FAM107B: variants seen among roughly 807,000 people sequenced by gnomAD.
The protein encoded by FAM107B is family with sequence similarity 107 member B.
In FAM107B, 21 loss-of-function variants were observed where a neutral mutation model predicts 31.5. The ratio of observed to expected loss-of-function variants is 0.67; its 90% CI spans 0.47 to 0.96. The LOEUF (loss-of-function observed/expected upper bound fraction) is 0.96. Among genes scored for constraint, FAM107B ranks in the 40% least tolerant of loss-of-function variants. The pLI is 0.00. For synonymous variants in FAM107B, 157 were observed against 141.5 expected (o/e 1.11, Z -0.78); for missense variants, 452 against 377.1 (o/e 1.20, Z -1.64).
rs1845519569 is a variant in FAM107B at position 14,520,405 on chromosome 10, A to G, written c.*785T>C. ...GGGACTGGAAGGTTATTCCATCTGA[A>G]AGAACTAGATCAGCAAGACATTTAA... On this transcript the variant is annotated 3_prime_UTR_variant, in exon 5 of 5. Coordinates refer to ENST00000181796, the MANE Select transcript of FAM107B (RefSeq NM_031453.4). 6.6e-6 allele frequency: 1 copy of G among 152,244 alleles called. No individual in the cohort carries two copies. Among genetic ancestry groups the G allele is most frequent in the African/African-American group, 2.4e-5 (1 of 41,474 alleles). The allele number at this position is 152,244 out of a possible 1,614,324, so 9.4% of individuals were successfully genotyped here.
At chr10:14,583,661 G>A (rs532373340) in intron 2 of FAM107B, among the ~76,000 whole-genome samples, 1 of 152,256 alleles carries the variant, frequency 6.6e-6, no homozygotes, top group South Asian at 2.1e-4. Context: ...AGAAGAGGCT[G>A]GGCCTAACTA....
At chr10:14,577,835 T>C (rs1177503684) in intron 2 of FAM107B, among the ~76,000 whole-genome samples, 1 of 152,216 alleles carries the variant, frequency 6.6e-6, no homozygotes, top group Non-Finnish European at 1.5e-5. Flanking sequence ...TCTCTAATAC[T>C]GAAGTCGTTT....
At chr10:14,613,193 A>G (rs1306496362) in intron 2 of FAM107B, among the ~76,000 whole-genome samples, 2 of 152,086 alleles carry the variant, frequency 1.3e-5, no homozygotes, top group Non-Finnish European at 2.9e-5. Context: ...GCTGGTCTCG[A>G]ACTCCTGACC....
intron 2 of FAM107B, among the ~76,000 whole-genome samples, chr10:14,572,734 A>ATTTATATATATAT (rs1851308706): frequency 2.5e-5 from 1 of 39,492 alleles, no homozygotes; most frequent in African/African-American, 7.6e-5. Flanking sequence ...AAAAAAAAAA[A>ATTTATATATATAT]AAATTTATAT....
chr10:14,570,581 C>T (rs192817991), intron 2 of FAM107B, among the ~76,000 whole-genome samples: 174 of 152,230 alleles, frequency 1.1e-3, no homozygotes, highest in Non-Finnish European at 2.1e-3. Context: ...GTGGGCGTAT[C>T]GCTTGTGGTC....
intron 1 of FAM107B, among the ~76,000 whole-genome samples, chr10:14,767,042 A>ATG (rs1833182966): frequency 2.7e-5 from 1 of 37,398 alleles, no homozygotes; most frequent in East Asian, 1.4e-3. Flanking sequence ...ATATATATAT[A>ATG]TATATATATA....
intron 1 of FAM107B, among the ~76,000 whole-genome samples, chr10:14,695,307 A>G (rs1855239170): frequency 6.6e-6 from 1 of 152,056 alleles, no homozygotes; most frequent in Admixed American, 6.6e-5. Flanking sequence ...TTAGTTGACC[A>G]TATGTGTTTG....
intron 1 of FAM107B, among the ~76,000 whole-genome samples, chr10:14,710,825 G>C (rs1225954751): frequency 6.6e-6 from 1 of 152,184 alleles, no homozygotes; most frequent in Non-Finnish European, 1.5e-5. Context: ...TTTAAGCTAA[G>C]TGTTGTTATA....
chr10:14,733,182 T>C (rs1856214646), intron 1 of FAM107B, among the ~76,000 whole-genome samples: 1 of 151,886 alleles, frequency 6.6e-6, no homozygotes, highest in Non-Finnish European at 1.5e-5. Context: ...CATACAGCAT[T>C]TGAACTTTCT....
At chr10:14,738,697 C>T (rs1856366711) in intron 1 of FAM107B, among the ~76,000 whole-genome samples, 1 of 152,162 alleles carries the variant, frequency 6.6e-6, no homozygotes, top group Admixed American at 6.5e-5. Context: ...AGACATTACC[C>T]CTGACACATG....
chr10:14,723,005 A>C (rs372086271), intron 1 of FAM107B, among the ~76,000 whole-genome samples: 35 of 152,300 alleles, frequency 2.3e-4, no homozygotes, highest in African/African-American at 8.2e-4. Context: ...AGTGTGAGGT[A>C]GGGGTCCAAT....
In FAM107B at chr10:14,628,112, G is replaced by GTTTTTTTTTTTTTT. The variant is rs71505033; in HGVS notation, c.469+39508_469+39521dup. 3.8e-4 allele frequency among the ~76,000 whole-genome samples: 35 copies of GTTTTTTTTTTTTTT among 92,684 alleles called. 3 individuals are homozygous for GTTTTTTTTTTTTTT. The highest frequency in any genetic ancestry group is 6.2e-4 in the African/African-American group (16 of 25,816). 60.8% of individuals were successfully genotyped at this position (92,684 alleles called of 152,430 possible). A position where few individuals can be genotyped will look rare whatever the true frequency, so the allele number is the denominator to read the frequency against. ...TCCTTGTTTGTTTTTTGTTTTGCTG[G>GTTTTTTTTTTTTTT]TTTTTTTTTTTTTTTTTTTTTGAGA... On this transcript the variant is annotated intron_variant, in intron 2 of 4. Transcript: ENST00000181796.
intron 1 of FAM107B, among the ~76,000 whole-genome samples, chr10:14,741,650 T>C (rs1856439481): frequency 6.6e-6 from 1 of 152,104 alleles, no homozygotes; most frequent in South Asian, 2.1e-4. Flanking sequence ...TGTTATTTTT[T>C]TCTTATGTTA....
intron 2 of FAM107B, among the ~76,000 whole-genome samples, chr10:14,620,838 A>G (rs12049766): frequency 0.062 from 9,444 of 152,172 alleles, 386 homozygotes; most frequent in East Asian, 0.18. Flanking sequence ...ATATCTCTCC[A>G]TTTATTTAGG....
rs373737245 is a variant in FAM107B, at chr10:14,530,450, G to C, written c.535C>G (p.Pro179Ala). Reference sequence around the variant, plus strand: ...GGATTGTCATCTTCTATGTAGTCTGGCTCGGCCATGATGCTTCTTGTAATG... The same window carrying C: ...GGATTGTCATCTTCTATGTAGTCTGCCTCGGCCATGATGCTTCTTGTAATG... ...YLITRSIMAE[P>A]DYIEDDNPEL... Residue 179 changes from proline (P) to alanine (A), a missense_variant, in exon 3 of 5, where the codon CCA becomes GCA. By Grantham distance (27) the Pro-to-Ala change is conservative. Transcript: ENST00000181796. 2.5e-6 allele frequency: 4 copies of C among 1,614,032 alleles called. No homozygotes were observed. The highest frequency in any genetic ancestry group is 4.5e-5 in the East Asian group (2 of 44,884).
chr10:14,675,809 T>C (rs1469768009), intron 1 of FAM107B, among the ~76,000 whole-genome samples: 1 of 152,122 alleles, frequency 6.6e-6, no homozygotes, highest in East Asian at 1.9e-4. Context: ...GATTCAAAAT[T>C]ACCCCCCAGA....
At chr10:14,618,908 T>C (rs552602987) in intron 2 of FAM107B, among the ~76,000 whole-genome samples, 30 of 152,068 alleles carry the variant, frequency 2.0e-4, no homozygotes, top group Non-Finnish European at 3.4e-4. Context: ...TTAATCTGAC[T>C]GGTAAGTATC....
chr10:14,665,699 C>G (rs951254562), intron 2 of FAM107B, among the ~76,000 whole-genome samples: 2 of 152,126 alleles, frequency 1.3e-5, no homozygotes, highest in African/African-American at 4.8e-5. Flanking sequence ...CCTACTATGC[C>G]CCTATTATGA....
chr10:14,751,838 T>C (rs978969409), intron 1 of FAM107B, among the ~76,000 whole-genome samples: 2 of 151,892 alleles, frequency 1.3e-5, no homozygotes, highest in East Asian at 1.9e-4. Flanking sequence ...GCACCGAGAC[T>C]GAAGCCCAGG....
Sources: allele counts gnomAD v4.1 joint callset (sites outside exome capture counted in the v4.1 genomes callset), GRCh38; gene constraint gnomAD v4.1.1; transcripts MANE v1.5; gene names NCBI Gene and HGNC (gene_info 2026-07-23, HGNC 2026-07-21).